NWD2: variants seen among roughly 807,000 people sequenced by gnomAD.
NWD2 encodes NACHT and WD repeat domain containing 2, also known as NACHT and WD repeat domain-containing protein 2.
Under a neutral mutation model 132.7 loss-of-function variants are expected in NWD2, and 37 were observed. The observed-to-expected ratio is 0.28, with a 90% confidence interval of 0.21 to 0.37. NWD2 has a LOEUF of 0.37. NWD2 is among the 10% of genes least tolerant of loss of function. The pLI is 1.00. For missense variants in NWD2, 1,592 were observed against 2,122.4 expected, an observed-to-expected ratio of 0.75 and a Z score of 4.91; for synonymous variants, 705 against 803.0, an observed-to-expected ratio of 0.88 and a Z score of 2.06.
chr4:37,322,473 T>C (rs1719088016), intron 1 of NWD2, among the ~76,000 whole-genome samples: 1 of 152,062 alleles, frequency 6.6e-6, no homozygotes, highest in Non-Finnish European at 1.5e-5. Context: ...GAATATAATC[T>C]AAGAATCAAG....
intron 2 of NWD2, among the ~76,000 whole-genome samples, chr4:37,334,627 A>C (rs1483067202): frequency 6.6e-6 from 1 of 152,202 alleles, no homozygotes; most frequent in South Asian, 2.1e-4. Flanking sequence ...GGCCGCTGGT[A>C]CACTGAGCCA....
intron 2 of NWD2, among the ~76,000 whole-genome samples, chr4:37,341,061 C>T (rs191694684): frequency 2.0e-5 from 3 of 152,292 alleles, no homozygotes; most frequent in East Asian, 1.9e-4. Context: ...GTTTGACTTA[C>T]GATTTCTTGA....
At chr4:37,245,701 G>A (rs1717230618) in intron 1 of NWD2, among the ~76,000 whole-genome samples, 1 of 152,114 alleles carries the variant, frequency 6.6e-6, no homozygotes, top group Non-Finnish European at 1.5e-5. Context: ...CTCTCCTCCT[G>A]CAGGTGCGAT....
At chr4:37,249,594 G>A (rs1025458525) in intron 1 of NWD2, among the ~76,000 whole-genome samples, 1 of 152,184 alleles carries the variant, frequency 6.6e-6, no homozygotes, top group African/African-American at 2.4e-5. Flanking sequence ...TCCAACTGCA[G>A]CCATAAGATT....
At chr4:37,362,155 A>G (rs1183524935) in intron 3 of NWD2, among the ~76,000 whole-genome samples, 2 of 152,256 alleles carry the variant, frequency 1.3e-5, no homozygotes, top group East Asian at 3.8e-4. Context: ...AACACTGCCA[A>G]AAGAAATCAC....
intron 1 of NWD2, among the ~76,000 whole-genome samples, chr4:37,318,010 T>A (rs561082209): frequency 1.0e-3 from 138 of 132,638 alleles, no homozygotes; most frequent in African/African-American, 4.9e-3. Flanking sequence ...TTCTTTTTTC[T>A]TTTTTCTTTC....
At chr4:37,258,711 C>T (rs1383361866) in intron 1 of NWD2, among the ~76,000 whole-genome samples, 4 of 152,118 alleles carry the variant, frequency 2.6e-5, no homozygotes, top group African/African-American at 7.2e-5. Flanking sequence ...CTGAATGTAG[C>T]CAGTGTGCTT....
intron 3 of NWD2, among the ~76,000 whole-genome samples, chr4:37,379,899 G>A (rs980337029): frequency 2.6e-5 from 4 of 152,088 alleles, no homozygotes; most frequent in South Asian, 4.1e-4. Context: ...GCTTTACCCC[G>A]TGTTATCTTT....
chr4:37,307,272 T>C (rs1428333903), intron 1 of NWD2, among the ~76,000 whole-genome samples: 1 of 152,252 alleles, frequency 6.6e-6, no homozygotes. Flanking sequence ...TATCATTCTT[T>C]TGCTTCCAGA....
chr4:37,267,371 A>G (rs1414911870), intron 1 of NWD2, among the ~76,000 whole-genome samples: 1 of 152,004 alleles, frequency 6.6e-6, no homozygotes, highest in African/African-American at 2.4e-5. Flanking sequence ...AGGTAGCAAG[A>G]TGAGAGAAGA....
chr4:37,282,618 G>A (rs1415980301), intron 1 of NWD2, among the ~76,000 whole-genome samples: 1 of 152,078 alleles, frequency 6.6e-6, no homozygotes, highest in Non-Finnish European at 1.5e-5. Context: ...TATTTGATGG[G>A]TATTTAGCTC....
rs1712682178 is a variant in NWD2 at position 37,447,923 on chromosome 4, C to T, written c.*706C>T. On this transcript the variant is annotated 3_prime_UTR_variant, in exon 7 of 7. Transcript: ENST00000309447. ...TATAACAGAATATATGATTTTTAAA[C>T]TATTTCCTGGGTTGCAAAAGAACAC... 1 of 152,186 alleles carries T rather than the reference C, an allele frequency of 6.6e-6. No individual in the cohort carries two copies. Among genetic ancestry groups the T allele is most frequent in the African/African-American group, 2.4e-5 (1 of 41,460 alleles). 9.4% of individuals were successfully genotyped at this position (152,186 alleles called of 1,614,324 possible). A position where few individuals can be genotyped will look rare whatever the true frequency, so the allele number is the denominator to read the frequency against.
At chr4:37,366,891 T>C (rs1720110559) in intron 3 of NWD2, among the ~76,000 whole-genome samples, 2 of 152,186 alleles carry the variant, frequency 1.3e-5, no homozygotes, top group African/African-American at 4.8e-5. Flanking sequence ...TAATTGGAGA[T>C]ATTTACAAAC....
chr4:37,418,695 T>C (rs946455439), intron 3 of NWD2, among the ~76,000 whole-genome samples: 1 of 152,044 alleles, frequency 6.6e-6, no homozygotes, highest in Non-Finnish European at 1.5e-5. Context: ...ATGGGATTGC[T>C]GGGTCAAATG....
At chr4:37,359,089 G>T (rs1286724105) in intron 3 of NWD2, among the ~76,000 whole-genome samples, 1 of 152,156 alleles carries the variant, frequency 6.6e-6, no homozygotes, top group Non-Finnish European at 1.5e-5. Context: ...TTATAACCCT[G>T]TTGAGTGCCA....
At chr4:37,286,250 T>C (rs543757711) in intron 1 of NWD2, among the ~76,000 whole-genome samples, 1 of 152,380 alleles carries the variant, frequency 6.6e-6, no homozygotes, top group East Asian at 1.9e-4. Flanking sequence ...TTCTTAGCAC[T>C]TCTGTTAACA....
In NWD2 at chr4:37,245,030, G is replaced by T; in HGVS notation, c.-38G>T. ...CGGGCAGGAACCCGAGGAGCAGGAGGTGGCGGCGGCGGCAGTGGCTGTTCC... is the reference window on the plus strand; with the variant it reads ...CGGGCAGGAACCCGAGGAGCAGGAGTTGGCGGCGGCGGCAGTGGCTGTTCC... On this transcript the variant is annotated 5_prime_UTR_variant, in exon 1 of 7. Coordinates refer to ENST00000309447, the MANE Select transcript of NWD2 (RefSeq NM_001144990.2). The T allele has an allele frequency of 6.5e-7, 1 of 1,540,544 alleles. No homozygotes were observed.
intron 3 of NWD2, among the ~76,000 whole-genome samples, chr4:37,430,129 T>G (rs1273793818): frequency 6.6e-6 from 1 of 152,218 alleles, no homozygotes; most frequent in African/African-American, 2.4e-5. Context: ...TACTTCTTTT[T>G]ATTGTAGCAG....
chr4:37,399,755 T>G (rs985447307), intron 3 of NWD2, among the ~76,000 whole-genome samples: 4 of 152,242 alleles, frequency 2.6e-5, no homozygotes, highest in Non-Finnish European at 5.9e-5. Context: ...TACTTGGGAT[T>G]GTAATTTTAT....
Sources: gnomAD v4.1 joint callset for allele counts (sites outside exome capture counted in the v4.1 genomes callset) on GRCh38, gnomAD v4.1.1 for gene constraint, MANE v1.5 for transcripts, NCBI Gene and HGNC (gene_info 2026-07-23, HGNC 2026-07-21) for gene names.